The following CACNA1D variants were observed in gnomAD, a reference collection of about 807,000 sequenced individuals.
CACNA1D encodes calcium voltage-gated channel subunit alpha1 D.
CACNA1D carries 55 observed loss-of-function variants against 257.1 expected under a neutral mutation model. That is an observed-to-expected ratio of 0.21 (90% confidence interval 0.17 to 0.27). CACNA1D has a LOEUF of 0.27. CACNA1D is among the 10% of genes least tolerant of loss of function. The pLI is 1.00. For synonymous variants in CACNA1D, 980 were observed against 1,014.9 expected, an observed-to-expected ratio of 0.97 and a Z score of 0.65; for missense variants, 1,876 against 2,784.0, an observed-to-expected ratio of 0.67 and a Z score of 7.34.
intron 3 of CACNA1D, among the ~76,000 whole-genome samples, chr3:53,509,451 G>T (rs574425445): frequency 1.1e-4 from 17 of 152,274 alleles, no homozygotes; most frequent in African/African-American, 3.1e-4. Context: ...TGGAGAAAAT[G>T]ACTTTCTTCT....
At chr3:53,782,084 A>G (rs541984959) in intron 39 of CACNA1D, among the ~76,000 whole-genome samples, 2 of 151,946 alleles carry the variant, frequency 1.3e-5, no homozygotes, top group Non-Finnish European at 2.9e-5. Context: ...TATTTTTGAA[A>G]TGTTCTTATC....
At chr3:53,564,752 C>T (rs1180277106) in intron 3 of CACNA1D, among the ~76,000 whole-genome samples, 2 of 152,054 alleles carry the variant, frequency 1.3e-5, no homozygotes, top group Non-Finnish European at 2.9e-5. Context: ...TTGCTATTTC[C>T]ATTTTATAGG....
chr3:53,530,732 A>G (rs974435653), intron 3 of CACNA1D, among the ~76,000 whole-genome samples: 1 of 152,148 alleles, frequency 6.6e-6, no homozygotes, highest in Non-Finnish European at 1.5e-5. Flanking sequence ...CTCCTGTAAC[A>G]GTCTCATTTG....
intron 3 of CACNA1D, among the ~76,000 whole-genome samples, chr3:53,623,472 G>A (rs767742355): frequency 3.9e-5 from 6 of 152,180 alleles, no homozygotes; most frequent in Non-Finnish European, 8.8e-5. Context: ...TTTAGGTAGT[G>A]GAATTGTGGG....
At chr3:53,588,136 G>A (rs1451940746) in intron 3 of CACNA1D, among the ~76,000 whole-genome samples, 1 of 152,210 alleles carries the variant, frequency 6.6e-6, no homozygotes, top group African/African-American at 2.4e-5. Context: ...TGTTATGAAG[G>A]CAACAGACTG....
Position 53,713,533 on chromosome 3 carries a change from TGTGTGTGTGTGA to T in CACNA1D, c.1391-4766_1391-4755del, listed in dbSNP as rs1381066170. 2.2e-3 allele frequency among the ~76,000 whole-genome samples: 298 copies of T among 138,152 alleles called. 1 individual carries two copies. The highest frequency in any genetic ancestry group is 8.6e-3 in the African/African-American group (272 of 31,694). 90.6% of individuals were successfully genotyped at this position (138,152 alleles called of 152,430 possible). ...GTGTGTGTGTGTGTGTGTGTGTGTG[TGTGTGTGTGTGA>T]GAGATTTGCCTCCAAATTCACAAGC... On this transcript the variant is annotated intron_variant, in intron 9 of 47. Coordinates refer to ENST00000350061, the MANE Select transcript of CACNA1D (RefSeq NM_001128840.3).
intron 9 of CACNA1D, among the ~76,000 whole-genome samples, chr3:53,713,824 T>C (rs1416820831): frequency 2.0e-5 from 3 of 152,062 alleles, no homozygotes; most frequent in African/African-American, 4.8e-5. Flanking sequence ...CCTTGGAAAC[T>C]CTAATTACAG....
At chr3:53,575,194 G>A (rs753086225) in intron 3 of CACNA1D, among the ~76,000 whole-genome samples, 32 of 152,296 alleles carry the variant, frequency 2.1e-4, no homozygotes, top group Non-Finnish European at 3.5e-4. Context: ...ATGATGTTGC[G>A]AGCGTGATAC....
At chr3:53,619,445 A>G (rs1365152642) in intron 3 of CACNA1D, among the ~76,000 whole-genome samples, 1 of 152,216 alleles carries the variant, frequency 6.6e-6, no homozygotes. Context: ...AGGTGCTGGA[A>G]ATTATAACCA....
intron 3 of CACNA1D, among the ~76,000 whole-genome samples, chr3:53,603,842 G>A (rs927320936): frequency 1.3e-5 from 2 of 152,176 alleles, no homozygotes; most frequent in Admixed American, 6.5e-5. Context: ...GGGGTACTCA[G>A]GAAGGTTTTG....
chr3:53,765,393 ACT>A (rs982194386), intron 30 of CACNA1D: 1 of 152,408 alleles, frequency 6.6e-6, no homozygotes, highest in African/African-American at 2.4e-5. Flanking sequence ...TCTTCCCCAA[ACT>A]CTGTTGATCT....
chr3:53,670,107 G>A (rs1183087939), intron 7 of CACNA1D, among the ~76,000 whole-genome samples: 1 of 152,176 alleles, frequency 6.6e-6, no homozygotes, highest in Non-Finnish European at 1.5e-5. Flanking sequence ...CTCCTACGGA[G>A]GTGCTGGCTG....
At chr3:53,622,414 A>T (rs2108047227) in intron 3 of CACNA1D, among the ~76,000 whole-genome samples, 1 of 152,342 alleles carries the variant, frequency 6.6e-6, no homozygotes, top group East Asian at 1.9e-4. Context: ...TAGCAACTTT[A>T]TTCATAATAA....
At position 53,679,269 on chromosome 3, in the gene CACNA1D, TCAAAAAAAAAAAAAAAA is replaced by T. The variant is rs1296755518; in HGVS notation, c.1220+6144_1220+6160del. The T allele has an allele frequency of 4.7e-3, 30 of 6,374 alleles. 1 individual carries two copies. Among genetic ancestry groups the T allele is most frequent in the African/African-American group, 9.5e-3 (29 of 3,042 alleles). 0.4% of individuals were successfully genotyped at this position (6,374 alleles called of 1,614,324 possible). The stretch of plus-strand genomic sequence containing the variant: ...TGGGTGACAAGAGCAAAACTCCATC[TCAAAAAAAAAAAAAAAA>T]AAAAAAAAAAAAAAAAAAAAAGACT... On this transcript the variant is annotated intron_variant, in intron 8 of 47. Transcript: ENST00000350061.
At chr3:53,554,425 A>G (rs982207683) in intron 3 of CACNA1D, among the ~76,000 whole-genome samples, 6 of 152,226 alleles carry the variant, frequency 3.9e-5, no homozygotes, top group African/African-American at 1.4e-4. Flanking sequence ...CTAGCCTCAC[A>G]GCCCCCTCAC....
chr3:53,541,687 C>A (rs757110294), intron 3 of CACNA1D, among the ~76,000 whole-genome samples: 23 of 152,074 alleles, frequency 1.5e-4, no homozygotes, highest in Non-Finnish European at 2.1e-4. Flanking sequence ...TGTTTTTCTT[C>A]AGATGTTTCG....
intron 3 of CACNA1D, among the ~76,000 whole-genome samples, chr3:53,626,248 A>G (rs2093757542): frequency 6.6e-6 from 1 of 152,166 alleles, no homozygotes; most frequent in Non-Finnish European, 1.5e-5. Context: ...GGAGGGGGTG[A>G]ATGTCAGGTT....
At chr3:53,637,629 A>G (rs1183956452) in intron 3 of CACNA1D, among the ~76,000 whole-genome samples, 2 of 152,152 alleles carry the variant, frequency 1.3e-5, no homozygotes, top group African/African-American at 2.4e-5. Context: ...AGCTTGGGAA[A>G]TGGTGACGGA....
intron 3 of CACNA1D, among the ~76,000 whole-genome samples, chr3:53,530,943 G>T (rs1243878331): frequency 1.3e-5 from 2 of 151,698 alleles, no homozygotes; most frequent in Non-Finnish European, 2.9e-5. Flanking sequence ...TGACTCCTGG[G>T]CTCAAGCAAT....
Sources: allele counts gnomAD v4.1 joint callset (sites outside exome capture counted in the v4.1 genomes callset), GRCh38; gene constraint gnomAD v4.1.1; transcripts MANE v1.5; gene names NCBI Gene and HGNC (gene_info 2026-07-23, HGNC 2026-07-21).